The following TCF12 variants were observed in gnomAD, a reference collection of about 807,000 sequenced individuals.
The protein encoded by TCF12 is DNA-binding protein HTF4.
TCF12 carries 45 observed loss-of-function variants against 86.0 expected under a neutral mutation model. That is an observed-to-expected ratio of 0.52 (90% CI 0.41 to 0.67). The LOEUF (loss-of-function observed/expected upper bound fraction) is 0.67. TCF12 is among the 30% of genes least tolerant of loss of function. TCF12 has a pLI of 0.00. For missense variants in TCF12, 881 were observed against 859.9 expected, an observed-to-expected ratio of 1.02 and a Z score of -0.31; for synonymous variants, 330 against 299.6, an observed-to-expected ratio of 1.10 and a Z score of -1.05.
chr15:56,963,073 A>C lies in TCF12; in HGVS notation c.148+41975A>C, dbSNP rs530795358. 5.2e-5 allele frequency among the ~76,000 whole-genome samples: 7 copies of C among 135,738 alleles called. No homozygotes were observed. In the South Asian group the frequency reaches 9.4e-4, roughly 18 times the overall value. 89.0% of individuals were successfully genotyped at this position (135,738 alleles called of 152,430 possible). On this transcript the variant is annotated intron_variant, in intron 3 of 20. Coordinates refer to ENST00000333725, the MANE Select transcript of TCF12 (RefSeq NM_207037.2). ...TTACCTTCTGTACAATCATTTTCTG[A>C]AATTGTAATAAAAATCAAGTACAAA... is the stretch of plus-strand genomic sequence containing the variant.
At chr15:57,075,778 C>CT (rs1194577520) in intron 4 of TCF12, among the ~76,000 whole-genome samples, 1 of 50,972 alleles carries the variant, frequency 2.0e-5, no homozygotes, top group Non-Finnish European at 3.8e-5. Flanking sequence ...TTCTTTCTTT[C>CT]TTTCTTTCTT....
At chr15:56,969,535 ATTTTTT>A (rs67565542) in intron 3 of TCF12, among the ~76,000 whole-genome samples, 23 of 130,012 alleles carry the variant, frequency 1.8e-4, no homozygotes, top group Admixed American at 5.7e-4. Flanking sequence ...CCAGTTGGAG[ATTTTTT>A]TTTTTTTTTT....
Position 57,097,830 on chromosome 15 carries a change from A to G in TCF12, c.325+5939A>G, listed in dbSNP as rs2049433804. The stretch of plus-strand genomic sequence containing the variant: ...GCCTAGATACAGTTGAAGGCACTAA[A>G]GCCAAGAAAAATGAAATTACTTGTT... On this transcript the variant is annotated intron_variant, in intron 5 of 20. Coordinates refer to ENST00000333725, the MANE Select transcript of TCF12 (RefSeq NM_207037.2). Among the ~76,000 whole-genome samples, 7 of 152,066 alleles carry G rather than the reference A, an allele frequency of 4.6e-5. No homozygotes were observed. The South Asian group carries it at 1.4e-3, about 31-fold the overall frequency.
rs544784020 is a variant in TCF12 at position 57,024,437 on chromosome 15, C to T, written c.149-39313C>T. Among the ~76,000 whole-genome samples the T allele has an allele frequency of 3.9e-5, 6 of 152,192 alleles. No homozygotes were observed. In the East Asian group the frequency reaches 9.7e-4, roughly 25 times the overall value. On this transcript the variant is annotated intron_variant, in intron 3 of 20. Transcript: ENST00000333725. ...CCATGTTGGCTAGGCTGGTCTTGAA[C>T]TCCTGACTGCAAGTCATCTGCCTGC...
chr15:57,225,525 G>A (rs1464226106), intron 8 of TCF12, among the ~76,000 whole-genome samples: 6 of 152,012 alleles, frequency 3.9e-5, no homozygotes, highest in Admixed American at 6.6e-5. Context: ...GATTACAGGC[G>A]TGAGCCACTG....
At chr15:57,002,216 G>A (rs559474974) in intron 3 of TCF12, among the ~76,000 whole-genome samples, 2 of 152,226 alleles carry the variant, frequency 1.3e-5, no homozygotes, top group East Asian at 3.9e-4. Context: ...ATGAAGAGAT[G>A]GGGTGGGAGT....
At chr15:57,276,093 C>T (rs2061384604) in intron 19 of TCF12, among the ~76,000 whole-genome samples, 4 of 152,220 alleles carry the variant, frequency 2.6e-5, no homozygotes, top group Admixed American at 2.6e-4. Flanking sequence ...TTCCTCCTCT[C>T]AAGCTCTTTC....
chr15:57,079,364 C>T (rs2070423283), intron 4 of TCF12, among the ~76,000 whole-genome samples: 1 of 152,074 alleles, frequency 6.6e-6, no homozygotes, highest in South Asian at 2.1e-4. Context: ...AGAATCATGG[C>T]CATGGAAGGA....
intron 3 of TCF12, among the ~76,000 whole-genome samples, chr15:57,007,820 T>TTTTC (rs879698759): frequency 7.3e-5 from 9 of 123,338 alleles, no homozygotes; most frequent in East Asian, 2.3e-4. Context: ...CTTTCTTTCT[T>TTTTC]TTTCTTTCTT....
At chr15:57,000,362 TA>T (rs1283305901) in intron 3 of TCF12, among the ~76,000 whole-genome samples, 23 of 136,456 alleles carry the variant, frequency 1.7e-4, no homozygotes, top group Non-Finnish European at 3.1e-4. Flanking sequence ...TTTTTTTTTT[TA>T]AACATATAAA....
intron 19 of TCF12, chr15:57,282,190 T>C (rs2061721007): frequency 2.0e-6 from 1 of 493,870 alleles, no homozygotes; most frequent in Non-Finnish European, 3.6e-6. Context: ...AGAGTAGCAT[T>C]TTGATTTAAA....
chr15:57,119,003 CTTGT>C (rs1469064664), intron 5 of TCF12, among the ~76,000 whole-genome samples: 1 of 152,000 alleles, frequency 6.6e-6, no homozygotes. Context: ...CTCAGAATAA[CTTGT>C]TTGTTTTATC....
intron 3 of TCF12, among the ~76,000 whole-genome samples, chr15:57,006,899 G>A (rs1314029843): frequency 6.6e-6 from 1 of 152,144 alleles, no homozygotes; most frequent in African/African-American, 2.4e-5. Context: ...ATGGGTGACA[G>A]AGTGAGACCT....
At chr15:57,234,013 T>G in intron 11 of TCF12, 30 bp from the exon 12 acceptor site, 1 of 1,593,272 alleles carries the variant, frequency 6.3e-7, no homozygotes, top group Non-Finnish European at 8.6e-7. Context: ...CTTGTAAAAT[T>G]CTTGATTTAT....
chr15:57,017,969 G>C (rs1222497622), intron 3 of TCF12, among the ~76,000 whole-genome samples: 6 of 152,114 alleles, frequency 3.9e-5, no homozygotes, highest in African/African-American at 1.2e-4. Context: ...ACAAACTCCA[G>C]GGAGTGTAAG....
At chr15:57,198,930 C>T (rs961055690) in intron 8 of TCF12, among the ~76,000 whole-genome samples, 1 of 152,102 alleles carries the variant, frequency 6.6e-6, no homozygotes, top group Non-Finnish European at 1.5e-5. Flanking sequence ...GTCTGCCTTC[C>T]TTCTTTTCTG....
intron 8 of TCF12, among the ~76,000 whole-genome samples, chr15:57,217,204 GT>G (rs1474178095): frequency 6.6e-6 from 1 of 151,952 alleles, no homozygotes; most frequent in Non-Finnish European, 1.5e-5. Context: ...TCACATTCAG[GT>G]TTCATGTTTA....
chr15:57,157,818 C>T (rs532721303), intron 5 of TCF12, among the ~76,000 whole-genome samples: 35 of 152,208 alleles, frequency 2.3e-4, no homozygotes, highest in African/African-American at 8.2e-4. Context: ...CCACTTTAGA[C>T]TCCCAAAGTG....
chr15:57,186,601 T>A (rs1271444181), intron 6 of TCF12, among the ~76,000 whole-genome samples: 1 of 152,198 alleles, frequency 6.6e-6, no homozygotes, highest in Admixed American at 6.5e-5. Flanking sequence ...GCCTAATTAA[T>A]TCTGTGAAGC....
Sources: gnomAD v4.1 joint callset for allele counts (sites outside exome capture counted in the v4.1 genomes callset) on GRCh38, gnomAD v4.1.1 for gene constraint, MANE v1.5 for transcripts, NCBI Gene and HGNC (gene_info 2026-07-23, HGNC 2026-07-21) for gene names.